The following PLG variants were observed in gnomAD, a reference collection of about 807,000 sequenced individuals.
The protein encoded by PLG is plasmin.
PLG carries 41 observed loss-of-function variants against 104.4 expected under a neutral mutation model. That is an observed-to-expected ratio of 0.39 (90% CI 0.31 to 0.51). The LOEUF is 0.51. PLG is among the 20% of genes least tolerant of loss of function. PLG has a pLI of 0.76. For synonymous variants in PLG, 337 were observed against 357.1 expected (o/e 0.94, Z 0.63); for missense variants, 891 against 1,003.6 (o/e 0.89, Z 1.52).
chr6:160,707,628 C>T lies in PLG; in HGVS notation c.186-72C>T, dbSNP rs1027535337. On this transcript the variant is annotated intron_variant, in intron 2 of 18. Transcript: ENST00000308192. The stretch of plus-strand genomic sequence containing the variant: ...ATATTCAATGATCTTTAGCATGTCT[C>T]ACTTATTAATAAACATTTGTTTTCT... 8 of 1,421,906 alleles carry T rather than the reference C, an allele frequency of 5.6e-6. No individual in the cohort carries two copies. In the African/African-American group the frequency reaches 1.1e-4, roughly 20 times the overall value. The allele number at this position is 1,421,906 out of a possible 1,614,324, so 88.1% of individuals were successfully genotyped here.
Position 160,731,852 on chromosome 6 carries a change from T to C in PLG, c.1546T>C (p.Phe516Leu). The change falls in exon 12 of 19, where the codon TTC becomes CTC. Residue 516 changes from phenylalanine to leucine, a missense_variant. Transcript: ENST00000308192. This position sits in a 1 kb window ranked among gnomAD's most constrained non-coding sequence, Gnocchi z 5.1. Reference sequence around the variant, plus strand: ...CCAGGAGCCCCATAGACACAGCATTTTCACTCCAGAGACAAATCCACGGGC... The same window carrying C: ...CCAGGAGCCCCATAGACACAGCATTCTCACTCCAGAGACAAATCCACGGGC... Reference protein sequence around the residue: ...AAQEPHRHSIFTPETNPRAGL... With the variant: ...AAQEPHRHSILTPETNPRAGL... 1 of 1,614,114 alleles carries C rather than the reference T, an allele frequency of 6.2e-7. No individual in the cohort carries two copies. Among genetic ancestry groups the C allele is most frequent in the Admixed American group, 1.7e-5 (1 of 60,026 alleles).
chr6:160,713,125 G>A lies in PLG; in HGVS notation c.547G>A (p.Glu183Lys). Reference protein sequence around the residue: ...YDYCDILECEEECMHCSGENY... With the variant: ...YDYCDILECEKECMHCSGENY... ...CTACTGCGACATTCTTGAGTGTGAAGGTCAGGAGTGGTTCTAGAAAATGTT... is the reference window on the plus strand; with the variant it reads ...CTACTGCGACATTCTTGAGTGTGAAAGTCAGGAGTGGTTCTAGAAAATGTT... Residue 183 changes from glutamate to lysine, a missense_variant and splice_region_variant, in exon 5 of 19, where the codon GAG becomes AAG. Glu to Lys is a moderately conservative substitution (Grantham distance 56). This residue lies in a region of PLG where 854 missense variants were observed against 932.1 expected (regional missense o/e 0.92). Transcript: ENST00000308192. 1 of 1,608,564 alleles carries A rather than the reference G, an allele frequency of 6.2e-7. No homozygotes were observed.
chr6:160,728,810 G>A (rs1451450668), intron 10 of PLG, among the ~76,000 whole-genome samples: 8 of 151,760 alleles, frequency 5.3e-5, no homozygotes, highest in Admixed American at 5.2e-4. Flanking sequence ...AACAATTCCA[G>A]GAAAATATAT....
intron 10 of PLG, chr6:160,730,689 C>T (rs1019924610): frequency 7.7e-6 from 2 of 260,294 alleles, no homozygotes; most frequent in Admixed American, 1.0e-4. Context: ...CTTTTATGTG[C>T]ATAAAAATAT....
At position 160,741,318 on chromosome 6, in the gene PLG, G is replaced by C. The variant is rs142551860; in HGVS notation, c.2026G>C (p.Val676Leu). 7 of 1,598,122 alleles carry C rather than the reference G, an allele frequency of 4.4e-6. No homozygotes were observed. The highest frequency in any genetic ancestry group is 6.0e-6 in the Non-Finnish European group (7 of 1,165,486). ...IALLKLSSPA[V>L]ITDKVIPACL... ...CTGATGCTTTTCTTTCAGTCCTGCCGTCATCACTGACAAAGTAATCCCAGC... is the reference window on the plus strand; with the variant it reads ...CTGATGCTTTTCTTTCAGTCCTGCCCTCATCACTGACAAAGTAATCCCAGC... Residue 676 changes from valine to leucine, a missense_variant, in exon 17 of 19, where the codon GTC (valine) becomes CTC (leucine). Physicochemically the swap from Val to Leu is conservative, Grantham distance 32 (BLOSUM62 1). Transcript: ENST00000308192. This position sits in a 1 kb window ranked among gnomAD's most constrained non-coding sequence, Gnocchi z 4.7.
intron 17 of PLG, among the ~76,000 whole-genome samples, chr6:160,743,266 A>G (rs1340258588): frequency 6.6e-6 from 1 of 152,148 alleles, no homozygotes; most frequent in African/African-American, 2.4e-5. Flanking sequence ...GGCCATTTTA[A>G]TGATATTGAT....
Position 160,731,859 on chromosome 6 carries a change from C to T in PLG, c.1553C>T (p.Pro518Leu). 2 of 1,614,132 alleles carry T rather than the reference C, an allele frequency of 1.2e-6. No homozygotes were observed. Among genetic ancestry groups the T allele is most frequent in the Non-Finnish European group, 8.5e-7 (1 of 1,180,010 alleles). The change falls in exon 12 of 19, where the codon CCA (proline) becomes CTA (leucine). Residue 518 changes from proline to leucine, a missense_variant. This residue lies in a region of PLG where 854 missense variants were observed against 932.1 expected (regional missense o/e 0.92). Transcript: ENST00000308192. The surrounding 1 kb of genome is among the most constrained non-coding windows in gnomAD (Gnocchi z 5.1). ...CCCCATAGACACAGCATTTTCACTC[C>T]AGAGACAAATCCACGGGCGGGTCTG... ...QEPHRHSIFT[P>L]ETNPRAGLEK...
chr6:160,751,760 T>C (rs1237948108), intron 17 of PLG, among the ~76,000 whole-genome samples: 1 of 152,206 alleles, frequency 6.6e-6, no homozygotes, highest in African/African-American at 2.4e-5. Flanking sequence ...ATGTAATTAG[T>C]AAAAGAAGCA....
rs1777922244 is a variant in PLG, at chr6:160,726,399, C to CA, written c.1256+3833dup. On this transcript the variant is annotated intron_variant, in intron 10 of 18. Coordinates refer to ENST00000308192, the MANE Select transcript of PLG (RefSeq NM_000301.5). This position sits in a 1 kb window ranked among gnomAD's most constrained non-coding sequence, Gnocchi z 4.4. ...GAACTGAATAATAGTAAAAATACAA[C>CA]ATATCAAAGTTCGTATGATGCAGCG... 2.0e-5 allele frequency among the ~76,000 whole-genome samples: 3 copies of CA among 151,908 alleles called. No homozygotes were observed. The highest frequency in any genetic ancestry group is 2.0e-4 in the Admixed American group (3 of 15,260).
rs1277828510 is a variant in PLG, at chr6:160,731,532, A to G, written c.1439-213A>G. 6.6e-6 allele frequency among the ~76,000 whole-genome samples: 1 copy of G among 152,196 alleles called. No homozygotes were observed. The highest frequency in any genetic ancestry group is 1.9e-4 in the East Asian group (1 of 5,192). On this transcript the variant is annotated intron_variant, in intron 11 of 18. Transcript: ENST00000308192. This position sits in a 1 kb window ranked among gnomAD's most constrained non-coding sequence, Gnocchi z 5.1. ...TCCCAGTCCAAATTCGTATTCTATCATGCTGCCATATGTGTGATTCTTTCC... is the reference window on the plus strand; with the variant it reads ...TCCCAGTCCAAATTCGTATTCTATCGTGCTGCCATATGTGTGATTCTTTCC...
chr6:160,722,258 A>G lies in PLG; in HGVS notation c.1097-150A>G, dbSNP rs1777842690. ...ACTTATTAATGTTCTAAAATGCTAT[A>G]AATCTATTTTTATGTTAATCTGTCT... is the stretch of plus-strand genomic sequence containing the variant. On this transcript the variant is annotated intron_variant, in intron 9 of 18. Transcript: ENST00000308192. 3 of 613,376 alleles carry G rather than the reference A, an allele frequency of 4.9e-6. No homozygotes were observed. The Admixed American group carries it at 8.3e-5, about 17-fold the overall frequency. 38.0% of individuals were successfully genotyped at this position (613,376 alleles called of 1,614,324 possible). A position where few individuals can be genotyped will look rare whatever the true frequency, so the allele number is the denominator to read the frequency against.
chr6:160,742,313 C>A (rs1778209229), intron 17 of PLG, among the ~76,000 whole-genome samples: 1 of 152,212 alleles, frequency 6.6e-6, no homozygotes, highest in African/African-American at 2.4e-5. Flanking sequence ...ACCTTGCCAG[C>A]ATCTGTTATT....
rs763383109 is a variant in PLG, at chr6:160,716,639, A to G, written c.669-6A>G. 6.6e-7 allele frequency: 1 copy of G among 1,525,080 alleles called. No homozygotes were observed. Among genetic ancestry groups the G allele is most frequent in the Non-Finnish European group, 9.1e-7 (1 of 1,099,012 alleles). The allele number at this position is 1,525,080 out of a possible 1,614,324, so 94.5% of individuals were successfully genotyped here. On this transcript the variant is annotated splice_polypyrimidine_tract_variant and splice_region_variant and intron_variant, in intron 6 of 18. Coordinates refer to ENST00000308192, the MANE Select transcript of PLG (RefSeq NM_000301.5). Reference sequence around the variant, plus strand: ...AGTGCTACTAAAATCTTTCTTGTCCATTCAGATTTCCAAACAAGAACCTGA... The same window carrying G: ...AGTGCTACTAAAATCTTTCTTGTCCGTTCAGATTTCCAAACAAGAACCTGA...
At chr6:160,711,513 T>A (rs1777641761) in intron 4 of PLG, 2 of 1,528,614 alleles carry the variant, frequency 1.3e-6, no homozygotes, top group African/African-American at 2.8e-5. Context: ...AACCCATGGA[T>A]ACAGAGGGCC....
In PLG at chr6:160,744,774, T is replaced by C. The variant is rs929289559; in HGVS notation, c.2125+3357T>C. Among the ~76,000 whole-genome samples, 2 of 152,050 alleles carry C rather than the reference T, an allele frequency of 1.3e-5. No homozygotes were observed. Among genetic ancestry groups the C allele is most frequent in the African/African-American group, 4.8e-5 (2 of 41,442 alleles). On this transcript the variant is annotated intron_variant, in intron 17 of 18. Coordinates refer to ENST00000308192, the MANE Select transcript of PLG (RefSeq NM_000301.5). The surrounding 1 kb of genome is among the most constrained non-coding windows in gnomAD (Gnocchi z 4.5). ...TTAGGTTCTTAATTTGAGATCTTTCTTCTTGATGCTAGCATTTGGTGCTAT... is the reference window on the plus strand; with the variant it reads ...TTAGGTTCTTAATTTGAGATCTTTCCTCTTGATGCTAGCATTTGGTGCTAT...
chr6:160,721,015 G>C (rs1209923788), intron 9 of PLG, among the ~76,000 whole-genome samples: 3 of 152,008 alleles, frequency 2.0e-5, no homozygotes, highest in Non-Finnish European at 2.9e-5. Flanking sequence ...CCCATTGAGA[G>C]AATTCTTCAT....
rs1398937972 is a variant in PLG at position 160,744,927 on chromosome 6, G to A, written c.2125+3510G>A. On this transcript the variant is annotated intron_variant, in intron 17 of 18. Transcript: ENST00000308192. This position sits in a 1 kb window ranked among gnomAD's most constrained non-coding sequence, Gnocchi z 4.5. ...TCATTATTCACCCAAAAGTCATTCA[G>A]GAGCATGTTGTTTGATTTCCATGTA... 2.8e-4 allele frequency among the ~76,000 whole-genome samples: 43 copies of A among 152,138 alleles called. No homozygotes were observed. Among genetic ancestry groups the A allele is most frequent in the Admixed American group, 2.8e-3 (43 of 15,274 alleles).
intron 10 of PLG, chr6:160,730,718 T>A (rs2115173119): frequency 3.5e-6 from 1 of 284,032 alleles, no homozygotes; most frequent in South Asian, 4.1e-5. Context: ...CACTTTAAAA[T>A]CTGTACCTGT....
intron 2 of PLG, 168 bp downstream of exon 2, chr6:160,706,710 G>A (rs1582930441): frequency 5.9e-6 from 4 of 673,870 alleles, no homozygotes; most frequent in Non-Finnish European, 2.6e-6. Context: ...TCTTGTTAAG[G>A]TTTATTGGAG....
Sources: gnomAD v4.1 joint callset for allele counts (sites outside exome capture counted in the v4.1 genomes callset) on GRCh38, gnomAD v4.1.1 for gene constraint, gnomAD v4.1.1 regional missense constraint, Gnocchi (gnomAD v3.1) non-coding constraint, MANE v1.5 for transcripts, NCBI Gene and HGNC (gene_info 2026-07-23, HGNC 2026-07-21) for gene names.